Variants in GNA14 observed in about 807,000 individuals in gnomAD.
GNA14 encodes the protein G protein subunit alpha 14, also known as guanine nucleotide-binding protein subunit alpha-14.
In GNA14, 50 loss-of-function variants were observed where a neutral mutation model predicts 42.0. The ratio of observed to expected loss-of-function variants is 1.19; its 90% CI spans 0.95 to 1.51. The LOEUF is 1.51. Among genes scored for constraint, GNA14 ranks in the 40% most tolerant of loss-of-function variants. The pLI, the probability that GNA14 is intolerant of heterozygous loss-of-function variation, is 0.00. For missense variants in GNA14, 473 were observed against 446.2 expected (o/e 1.06, Z -0.54); for synonymous variants, 173 against 163.1 (o/e 1.06, Z -0.46).
intron 2 of GNA14, among the ~76,000 whole-genome samples, chr9:77,470,125 G>T (rs936340044): frequency 6.6e-6 from 1 of 152,130 alleles, no homozygotes; most frequent in Non-Finnish European, 1.5e-5. Context: ...CCATCCTCTG[G>T]AGGCGGAGAA....
At chr9:77,432,498 C>G (rs550382522) in intron 3 of GNA14, among the ~76,000 whole-genome samples, 25 of 152,168 alleles carry the variant, frequency 1.6e-4, no homozygotes, top group Non-Finnish European at 3.4e-4. Context: ...TTGTATAATA[C>G]CTGCAGCCCT....
At chr9:77,570,770 G>GT (rs1470463895) in intron 1 of GNA14, among the ~76,000 whole-genome samples, 1 of 152,126 alleles carries the variant, frequency 6.6e-6, no homozygotes, top group Non-Finnish European at 1.5e-5. Flanking sequence ...ACCTTGCTGG[G>GT]TCGTATGGTA....
At chr9:77,640,926 G>C (rs1159592400) in intron 1 of GNA14, among the ~76,000 whole-genome samples, 2 of 148,198 alleles carry the variant, frequency 1.3e-5, no homozygotes, top group East Asian at 4.0e-4. Context: ...TGACACAGGA[G>C]CCAGCTTGAA....
At chr9:77,562,432 G>A (rs1462571640) in intron 1 of GNA14, among the ~76,000 whole-genome samples, 2 of 152,102 alleles carry the variant, frequency 1.3e-5, no homozygotes, top group African/African-American at 4.8e-5. Context: ...GGGACATGAA[G>A]GAGAGCCACC....
intron 2 of GNA14, among the ~76,000 whole-genome samples, chr9:77,485,472 C>T (rs565271048): frequency 3.5e-4 from 53 of 152,234 alleles, no homozygotes; most frequent in South Asian, 8.3e-4. Flanking sequence ...ATGCCTAACA[C>T]CTGTTAATAA....
At chr9:77,581,693 T>C (rs1282085650) in intron 1 of GNA14, among the ~76,000 whole-genome samples, 1 of 152,148 alleles carries the variant, frequency 6.6e-6, no homozygotes, top group Non-Finnish European at 1.5e-5. Context: ...GTCACTGAAG[T>C]TGTATCTCAA....
At chr9:77,546,200 G>A (rs1211381337) in intron 1 of GNA14, among the ~76,000 whole-genome samples, 19 of 125,106 alleles carry the variant, frequency 1.5e-4, no homozygotes, top group Non-Finnish European at 3.1e-5. Context: ...CTGGGTGACA[G>A]AGCGAGCTCC....
At chr9:77,503,674 CAG>C (rs1177071536) in intron 2 of GNA14, among the ~76,000 whole-genome samples, 4 of 129,310 alleles carry the variant, frequency 3.1e-5, no homozygotes, top group African/African-American at 9.0e-5. Flanking sequence ...TTTTTTGAGA[CAG>C]AGTCTTGCTC....
chr9:77,628,026 T>C, intron 1 of GNA14, among the ~76,000 whole-genome samples: 1 of 152,190 alleles, frequency 6.6e-6, no homozygotes, highest in East Asian at 1.9e-4. Context: ...CTTAAGCTGA[T>C]AAGCAACTTC....
At chr9:77,563,256 G>A (rs1456191001) in intron 1 of GNA14, among the ~76,000 whole-genome samples, 1 of 152,168 alleles carries the variant, frequency 6.6e-6, no homozygotes, top group African/African-American at 2.4e-5. Flanking sequence ...AGCTCATGCT[G>A]TATATTATCA....
At chr9:77,503,653 A>ATT (rs10689125) in intron 2 of GNA14, among the ~76,000 whole-genome samples, 66,928 of 140,678 alleles carry the variant, frequency 0.48, 16,149 homozygotes, top group East Asian at 0.59. Flanking sequence ...AAATTTCAGG[A>ATT]TTTTTTTTTT....
intron 2 of GNA14, among the ~76,000 whole-genome samples, chr9:77,457,120 C>G (rs896889001): frequency 6.6e-6 from 1 of 152,164 alleles, no homozygotes; most frequent in Non-Finnish European, 1.5e-5. Context: ...GCCAGAACGA[C>G]GTAGCTAGGT....
intron 2 of GNA14, among the ~76,000 whole-genome samples, chr9:77,488,938 C>T (rs1176313661): frequency 6.6e-6 from 1 of 151,956 alleles, no homozygotes; most frequent in Non-Finnish European, 1.5e-5. Flanking sequence ...AGCAAGGAGT[C>T]TGCAACTGAC....
intron 1 of GNA14, among the ~76,000 whole-genome samples, chr9:77,546,423 G>T (rs897227755): frequency 6.6e-6 from 1 of 151,856 alleles, no homozygotes; most frequent in African/African-American, 2.4e-5. Flanking sequence ...TCATCAAGAG[G>T]TCTTCATTAT....
At chr9:77,498,915 G>C (rs530404717) in intron 2 of GNA14, among the ~76,000 whole-genome samples, 1 of 152,238 alleles carries the variant, frequency 6.6e-6, no homozygotes, top group African/African-American at 2.4e-5. Flanking sequence ...AAAGGTTCCT[G>C]GGCATAAAAG....
intron 2 of GNA14, among the ~76,000 whole-genome samples, chr9:77,490,668 C>A (rs577889929): frequency 4.6e-5 from 7 of 152,212 alleles, no homozygotes; most frequent in Admixed American, 3.9e-4. Context: ...GCCGGCCGGC[C>A]GCTCCGAGTG....
intron 2 of GNA14, among the ~76,000 whole-genome samples, chr9:77,527,580 G>A (rs976490237): frequency 2.0e-5 from 3 of 152,210 alleles, no homozygotes; most frequent in African/African-American, 7.2e-5. Context: ...GCCCAGGAAA[G>A]CCAAAAGATT....
chr9:77,514,764 C>T (rs1837224154), intron 2 of GNA14, among the ~76,000 whole-genome samples: 1 of 151,994 alleles, frequency 6.6e-6, no homozygotes, highest in African/African-American at 2.4e-5. Flanking sequence ...CAGGCGTCTG[C>T]CACCACGCCC....
chr9:77,534,286 C>T (rs932909960), intron 1 of GNA14, among the ~76,000 whole-genome samples: 1 of 152,186 alleles, frequency 6.6e-6, no homozygotes, highest in Non-Finnish European at 1.5e-5. Context: ...TCTTCTCTCT[C>T]GAGTCTTCCG....
Sources: allele counts gnomAD v4.1 joint callset (sites outside exome capture counted in the v4.1 genomes callset), GRCh38; gene constraint gnomAD v4.1.1; transcripts MANE v1.5; gene names NCBI Gene and HGNC (gene_info 2026-07-23, HGNC 2026-07-21).